Variants in CNNM4 observed in about 807,000 individuals in gnomAD.
CNNM4 encodes metal transporter CNNM4.
CNNM4 carries 32 observed loss-of-function variants against 53.7 expected under a neutral mutation model. The observed-to-expected ratio is 0.60, with a 90% CI of 0.45 to 0.80. The LOEUF is 0.80. Among genes scored for constraint, CNNM4 ranks in the 30% least tolerant of loss-of-function variants. CNNM4 has a pLI of 0.00. For missense variants in CNNM4, 784 were observed against 1,022.0 expected (o/e 0.77, Z 3.17); for synonymous variants, 410 against 440.0 (o/e 0.93, Z 0.85).
In CNNM4 at chr2:96,799,097, C is replaced by T. The variant is rs778806448; in HGVS notation, c.1722C>T (p.Ile574=). The T allele has an allele frequency of 8.1e-6, 13 of 1,614,068 alleles. No individual in the cohort carries two copies. The highest frequency in any genetic ancestry group is 1.6e-4 in the Middle Eastern group (1 of 6,084). Reference sequence around the variant, plus strand: ...GCCCCTCCCTGATATCAGAGAAGATCCTGCTGCGGCTACTCAAGTACCCAG... The same window carrying T: ...GCCCCTCCCTGATATCAGAGAAGATTCTGCTGCGGCTACTCAAGTACCCAG... The part of the protein sequence containing the change: ...QFSPSLISEK[I]LLRLLKYPDV... The change falls in exon 4 of 7, where the codon ATC becomes ATT. Residue 574 remains isoleucine, a synonymous_variant. Transcript: ENST00000377075.
At chr2:96,781,064 C>T (rs1271462414) in intron 1 of CNNM4, among the ~76,000 whole-genome samples, 3 of 142,628 alleles carry the variant, frequency 2.1e-5, no homozygotes, top group Non-Finnish European at 3.1e-5. Flanking sequence ...CTGCAAGCTC[C>T]GCCTCCCGGG....
Position 96,800,278 on chromosome 2 carries a change from C to A in CNNM4, c.1948+630C>A, listed in dbSNP as rs1300595845. 1.3e-5 allele frequency among the ~76,000 whole-genome samples: 2 copies of A among 152,160 alleles called. No homozygotes were observed. Among genetic ancestry groups the A allele is most frequent in the Admixed American group, 1.3e-4 (2 of 15,276 alleles). On this transcript the variant is annotated intron_variant, in intron 5 of 6. Transcript: ENST00000377075. This position sits in a 1 kb window ranked among gnomAD's most constrained non-coding sequence, Gnocchi z 4.6. Reference sequence around the variant, plus strand: ...GGCTTTCCCCGCAGAGCCCCACAGACAAGGCCCCGCAGGCCCAGGTCTCGC... The same window carrying A: ...GGCTTTCCCCGCAGAGCCCCACAGAAAAGGCCCCGCAGGCCCAGGTCTCGC...
chr2:96,782,664 C>T (rs2078984772), intron 1 of CNNM4, among the ~76,000 whole-genome samples: 1 of 152,080 alleles, frequency 6.6e-6, no homozygotes, highest in Admixed American at 6.6e-5. Context: ...TGTTTGACAT[C>T]AATGATTCCT....
intron 5 of CNNM4, among the ~76,000 whole-genome samples, chr2:96,807,085 G>C (rs574287551): frequency 7.2e-5 from 11 of 152,228 alleles, no homozygotes; most frequent in Middle Eastern, 3.4e-3. Flanking sequence ...ATCTCGGCTC[G>C]TTACAACCTC....
In CNNM4 at chr2:96,808,661, C is replaced by T. The variant is rs1204834773; in HGVS notation, c.2049C>T (p.Ser683=). ...CTGCAGCAACCTTGGCAGGCAGCAG[C>T]AACCAGTTTGGCAGCTCTGTCCTGG... ...VSTAATLAGS[S]NQFGSSVLGQ... The change falls in exon 6 of 7, where the codon AGC becomes AGT. Residue 683 remains serine (S), a synonymous_variant. Transcript: ENST00000377075. The surrounding 1 kb of genome is among the most constrained non-coding windows in gnomAD (Gnocchi z 4.9). 6.2e-7 allele frequency: 1 copy of T among 1,614,216 alleles called. No homozygotes were observed. The highest frequency in any genetic ancestry group is 8.5e-7 in the Non-Finnish European group (1 of 1,180,034).
chr2:96,799,663 A>G lies in CNNM4; in HGVS notation c.1948+15A>G. ...GGTCCCCTCCGGTGAGTTGTTGGGC[A>G]TGGTCTTTGCTGCCCTTTGGCCCCC... On this transcript the variant is annotated intron_variant, in intron 5 of 6. Transcript: ENST00000377075. 2 of 1,543,516 alleles carry G rather than the reference A, an allele frequency of 1.3e-6. No homozygotes were observed. The highest frequency in any genetic ancestry group is 8.8e-7 in the Non-Finnish European group (1 of 1,139,732).
rs999284391 is a variant in CNNM4 at position 96,761,848 on chromosome 2, G to A, written c.849G>A (p.Gly283=). 1.2e-6 allele frequency: 2 copies of A among 1,614,000 alleles called. No individual in the cohort carries two copies. Among genetic ancestry groups the A allele is most frequent in the African/African-American group, 1.3e-5 (1 of 74,928 alleles). The change falls in exon 1 of 7, where the codon GGG becomes GGA. Residue 283 remains glycine (G), a synonymous_variant. Transcript: ENST00000377075. The surrounding 1 kb of genome is among the most constrained non-coding windows in gnomAD (Gnocchi z 6.0). ...ASSTIGIVIF[G]EILPQALCSR... ...CCACCATTGGCATTGTCATCTTTGG[G>A]GAGATCCTACCTCAGGCCCTGTGCT...
chr2:96,769,811 C>CGGTTCT (rs2078852929), intron 1 of CNNM4, among the ~76,000 whole-genome samples: 1 of 152,134 alleles, frequency 6.6e-6, no homozygotes, highest in Non-Finnish European at 1.5e-5. Flanking sequence ...AGCTTTGCAC[C>CGGTTCT]GGTTCTCCGT....
intron 1 of CNNM4, among the ~76,000 whole-genome samples, chr2:96,772,092 C>T (rs1438059147): frequency 2.0e-5 from 3 of 152,004 alleles, no homozygotes; most frequent in African/African-American, 7.3e-5. Context: ...CAGGAGGCAG[C>T]CTGGAGCCTC....
chr2:96,805,157 T>C (rs1428095555), intron 5 of CNNM4, among the ~76,000 whole-genome samples: 3 of 152,074 alleles, frequency 2.0e-5, no homozygotes, highest in Non-Finnish European at 4.4e-5. Flanking sequence ...CTGCTTTTCC[T>C]AGAACTTAAT....
intron 1 of CNNM4, among the ~76,000 whole-genome samples, chr2:96,791,961 A>G (rs1157523473): frequency 1.3e-5 from 2 of 151,664 alleles, no homozygotes; most frequent in African/African-American, 4.8e-5. Context: ...CCTCACTACA[A>G]CCTCCACCTC....
intron 1 of CNNM4, among the ~76,000 whole-genome samples, chr2:96,776,917 T>G (rs1273064590): frequency 7.0e-6 from 1 of 142,334 alleles, no homozygotes; most frequent in Non-Finnish European, 1.6e-5. Context: ...CCCACCTCAT[T>G]GTGGTTTTAA....
intron 1 of CNNM4, among the ~76,000 whole-genome samples, chr2:96,787,053 A>C (rs1449641053): frequency 6.6e-6 from 1 of 152,212 alleles, no homozygotes; most frequent in East Asian, 1.9e-4. Flanking sequence ...CTTGAGATAA[A>C]TTCATGTCTG....
Position 96,808,827 on chromosome 2 carries a change from T to C in CNNM4, c.2130+85T>C. The C allele has an allele frequency of 6.3e-6, 9 of 1,419,626 alleles. No homozygotes were observed. Among genetic ancestry groups the C allele is most frequent in the Non-Finnish European group, 8.9e-6 (9 of 1,010,804 alleles). 87.9% of individuals were successfully genotyped at this position (1,419,626 alleles called of 1,614,324 possible). A position where few individuals can be genotyped will look rare whatever the true frequency, so the allele number is the denominator to read the frequency against. ...CTTTCATCCACCAAACCCAGCATGG[T>C]GGGCCCAAACCCGAGATGCCTTTTT... is the stretch of plus-strand genomic sequence containing the variant. On this transcript the variant is annotated intron_variant, in intron 6 of 6. Coordinates refer to ENST00000377075, the MANE Select transcript of CNNM4 (RefSeq NM_020184.4). This position sits in a 1 kb window ranked among gnomAD's most constrained non-coding sequence, Gnocchi z 4.9.
At chr2:96,765,836 C>T (rs1290484176) in intron 1 of CNNM4, among the ~76,000 whole-genome samples, 1 of 150,824 alleles carries the variant, frequency 6.6e-6, no homozygotes, top group African/African-American at 2.4e-5. Context: ...CTCTCATTGC[C>T]CCGGCTGGAG....
chr2:96,769,563 CAAA>C (rs1198986708), intron 1 of CNNM4, among the ~76,000 whole-genome samples: 3 of 63,690 alleles, frequency 4.7e-5, no homozygotes, highest in Non-Finnish European at 1.0e-4. Flanking sequence ...GACTCTGTCT[CAAA>C]AAAAAAAAAA....
intron 1 of CNNM4, among the ~76,000 whole-genome samples, chr2:96,774,356 A>G (rs573083789): frequency 1.3e-5 from 2 of 152,268 alleles, no homozygotes; most frequent in Admixed American, 1.3e-4. Context: ...TTGAGGTTAC[A>G]TGAGCTATGA....
At chr2:96,771,364 T>G (rs964516936) in intron 1 of CNNM4, among the ~76,000 whole-genome samples, 8 of 152,012 alleles carry the variant, frequency 5.3e-5, no homozygotes, top group African/African-American at 1.9e-4. Context: ...TACATCTCAT[T>G]GCTGGAACTT....
intron 1 of CNNM4, among the ~76,000 whole-genome samples, chr2:96,762,680 T>TGAA (rs1405358501): frequency 6.6e-6 from 1 of 152,034 alleles, no homozygotes; most frequent in African/African-American, 2.4e-5. Flanking sequence ...AGGGAGCTAT[T>TGAA]GAAGCAAGAC....
Sources: gnomAD v4.1 joint callset for allele counts (sites outside exome capture counted in the v4.1 genomes callset) on GRCh38, gnomAD v4.1.1 for gene constraint, Gnocchi (gnomAD v3.1) non-coding constraint, MANE v1.5 for transcripts, NCBI Gene and HGNC (gene_info 2026-07-23, HGNC 2026-07-21) for gene names.